The following UBXN6 variants were observed in gnomAD, a reference collection of about 807,000 sequenced individuals.
UBXN6 encodes UBX domain-containing protein 6.
UBXN6 carries 44 observed loss-of-function variants against 51.4 expected under a neutral mutation model. The ratio of observed to expected loss-of-function variants is 0.86; its 90% CI spans 0.67 to 1.10. The LOEUF (loss-of-function observed/expected upper bound fraction) is 1.10. Ranked by LOEUF, UBXN6 falls within the 50% of genes least tolerant of loss-of-function variation. The pLI is 0.00. For missense variants in UBXN6, 672 were observed against 596.1 expected (o/e 1.13, Z -1.32); for synonymous variants, 316 against 263.2 (o/e 1.20, Z -1.94).
rs139905537 is a variant in UBXN6 at position 4,456,381 on chromosome 19, G to A, written c.83+1234C>T. On this transcript the variant is annotated intron_variant, in intron 1 of 10. Transcript: ENST00000301281. ...ACCTCCATCACCACCCCACTGCCCC[G>A]TGATTCCTGACCCCCACTTCCTGCC... 8.3e-5 allele frequency among the ~76,000 whole-genome samples: 9 copies of A among 109,008 alleles called. No homozygotes were observed. The East Asian group carries it at 1.9e-3, about 23-fold the overall frequency. The allele number at this position is 109,008 out of a possible 152,430, so 71.5% of individuals were successfully genotyped here.
At chr19:4,446,219 G>C in intron 9 of UBXN6, 22 bp from the exon 10 acceptor site, 1 of 1,586,728 alleles carries the variant, frequency 6.3e-7, no homozygotes, top group South Asian at 1.1e-5. Context: ...GGGAGTCAGA[G>C]CGGGTGGGGC....
At chr19:4,451,379 G>T (rs1227291152) in intron 4 of UBXN6, among the ~76,000 whole-genome samples, 1 of 152,010 alleles carries the variant, frequency 6.6e-6, no homozygotes, top group Non-Finnish European at 1.5e-5. Context: ...TCTGAGAAAG[G>T]GTCTCACTTG....
intron 5 of UBXN6, 32 bp downstream of exon 5, chr19:4,448,286 G>A (rs766246007): frequency 1.3e-6 from 2 of 1,561,880 alleles, no homozygotes; most frequent in South Asian, 2.3e-5. Context: ...GAGCTGGAGG[G>A]GCCAGGCAGG....
chr19:4,445,027 T>G lies in UBXN6; in HGVS notation c.*471A>C, dbSNP rs539142110. On this transcript the variant is annotated 3_prime_UTR_variant, in exon 11 of 11. Transcript: ENST00000301281. ...AAACTATATTCAAACAACCTGTTTA[T>G]TTGGGCTTATGATTTACTAACTGCA... is the stretch of plus-strand genomic sequence containing the variant. The G allele has an allele frequency of 3.5e-4, 57 of 161,488 alleles. 1 individual carries two copies. The highest frequency in any genetic ancestry group is 6.4e-3 in the Middle Eastern group (2 of 312). The allele number at this position is 161,488 out of a possible 1,614,324, so 10.0% of individuals were successfully genotyped here. A position where few individuals can be genotyped will look rare whatever the true frequency, so the allele number is the denominator to read the frequency against.
rs768962882 is a variant in UBXN6, at chr19:4,445,985, T to A, written c.1200+64A>T. ...GGAGGCTCCCTCCTGGGGGTGTCTG[T>A]GCCGGTCCCAGGAGAACCTGCAGAG... On this transcript the variant is annotated intron_variant, in intron 10 of 10. Coordinates refer to ENST00000301281, the MANE Select transcript of UBXN6 (RefSeq NM_025241.3). 2.0e-6 allele frequency: 3 copies of A among 1,537,472 alleles called. No homozygotes were observed. In the South Asian group the frequency reaches 3.8e-5, roughly 19 times the overall value.
chr19:4,453,340 A>C, intron 3 of UBXN6, 118 bp downstream of exon 3: 1 of 1,174,024 alleles, frequency 8.5e-7, no homozygotes, highest in Non-Finnish European at 1.2e-6. Context: ...CCACCTTGCA[A>C]GGCAAGGTTT....
At chr19:4,446,785 C>G (rs772332941) in intron 7 of UBXN6, 51 bp downstream of exon 7, 1 of 1,613,456 alleles carries the variant, frequency 6.2e-7, no homozygotes, top group East Asian at 2.2e-5. Context: ...GCCCTCCTGC[C>G]CCGAGGCCCC....
chr19:4,447,794 C>T (rs1437580228), intron 5 of UBXN6, 169 bp from the exon 6 acceptor site: 5 of 659,532 alleles, frequency 7.6e-6, no homozygotes, highest in South Asian at 3.4e-5. Context: ...GGAAGGCACA[C>T]CTCGGACACC....
At chr19:4,455,728 C>T (rs1455031614) in intron 1 of UBXN6, among the ~76,000 whole-genome samples, 1 of 152,154 alleles carries the variant, frequency 6.6e-6, no homozygotes, top group East Asian at 1.9e-4. Context: ...ACCTTCTGCC[C>T]AGAATGTTCT....
At chr19:4,445,904 TG>T (rs1974500510) in intron 10 of UBXN6, 144 bp downstream of exon 10, 2 of 1,337,772 alleles carry the variant, frequency 1.5e-6, no homozygotes. Flanking sequence ...TGCCAGTAAG[TG>T]GGAAAGCAGG....
chr19:4,445,555 G>T lies in UBXN6; in HGVS notation c.1269C>A (p.Ala423=), dbSNP rs61729794. 10 of 1,613,700 alleles carry T rather than the reference G, an allele frequency of 6.2e-6. No individual in the cohort carries two copies. The African/African-American group carries it at 1.3e-4, about 22-fold the overall frequency. The change falls in exon 11 of 11, where the codon GCC becomes GCA. Residue 423 remains alanine, a synonymous_variant. Coordinates refer to ENST00000301281, the MANE Select transcript of UBXN6 (RefSeq NM_025241.3). ...CGGGTTTCAGGATGGAGTCCGGCTC[G>T]GCCCCCGCGGCCTTGATGTCCTCCA... ...AVLEDIKAAG[A]EPDSILKPEL...
intron 3 of UBXN6, among the ~76,000 whole-genome samples, chr19:4,453,064 G>A (rs1974681003): frequency 6.6e-6 from 1 of 152,210 alleles, no homozygotes; most frequent in Non-Finnish European, 1.5e-5. Context: ...CAGTGCTAGG[G>A]GACAGGCTCT....
Position 4,446,913 on chromosome 19 carries a change from A to G in UBXN6, c.623T>C (p.Ile208Thr), listed in dbSNP as rs571965440. The change falls in exon 7 of 11, where the codon ATT becomes ACT. Residue 208 changes from isoleucine (I) to threonine (T), a missense_variant. Physicochemically the swap from Ile to Thr is moderately conservative, Grantham distance 89. Transcript: ENST00000301281. ...KLQNKVFQERINCLEGTHEFF... is the reference protein window; with the variant it reads ...KLQNKVFQERTNCLEGTHEFF... ...CTCGTGGGTCCCTTCCAGGCAGTTAATGCGCTCCTGGGGGTGGAGATGGGC... is the reference window on the plus strand; with the variant it reads ...CTCGTGGGTCCCTTCCAGGCAGTTAGTGCGCTCCTGGGGGTGGAGATGGGC... 2.1e-5 allele frequency: 34 copies of G among 1,613,848 alleles called. No individual in the cohort carries two copies. Among genetic ancestry groups the G allele is most frequent in the Non-Finnish European group, 2.7e-5 (32 of 1,179,952 alleles).
In UBXN6 at chr19:4,446,674, T is replaced by C. The variant is rs1568188851; in HGVS notation, c.746A>G (p.Gln249Arg). The change falls in exon 8 of 11, where the codon CAG becomes CGG. Residue 249 changes from glutamine to arginine, a missense_variant. Coordinates refer to ENST00000301281, the MANE Select transcript of UBXN6 (RefSeq NM_025241.3). ...FYVLSETTLA[Q>R]PQSLERHKEQ... ...CTTGTGCCTCTCCAGGCTCTGGGGC[T>C]GGGCCAAGGTGGTCTCGCTCAGCAC... 1.2e-6 allele frequency: 2 copies of C among 1,611,730 alleles called. No homozygotes were observed. The highest frequency in any genetic ancestry group is 1.1e-5 in the South Asian group (1 of 90,948).
intron 6 of UBXN6, 55 bp from the exon 7 acceptor site, chr19:4,446,975 C>T: frequency 6.4e-7 from 1 of 1,553,858 alleles, no homozygotes; most frequent in East Asian, 2.3e-5. Flanking sequence ...ATGGCCTGGC[C>T]ACACCCCACC....
intron 1 of UBXN6, chr19:4,455,341 C>T: frequency 2.1e-6 from 2 of 974,288 alleles, no homozygotes; most frequent in Non-Finnish European, 2.4e-6. Flanking sequence ...CCTCCTCGTC[C>T]CACCCCTGCC....
intron 3 of UBXN6, among the ~76,000 whole-genome samples, chr19:4,452,719 G>GT (rs1398913269): frequency 7.2e-5 from 11 of 152,290 alleles, no homozygotes; most frequent in African/African-American, 2.6e-4. Flanking sequence ...ACTAAACGAG[G>GT]TAAGGAACGG....
In UBXN6 at chr19:4,446,095, T is replaced by C. The variant is rs1974507957; in HGVS notation, c.1154A>G (p.Gln385Arg). 4 of 1,612,668 alleles carry C rather than the reference T, an allele frequency of 2.5e-6. No homozygotes were observed. In the African/African-American group the frequency reaches 4.0e-5, roughly 16 times the overall value. ...CAGGTTCTCGTCCTCGGACAGCTTC[T>C]GCCCTCCCGAGGCCAGCAGCTCAAA... is the stretch of plus-strand genomic sequence containing the variant. Reference protein sequence around the residue: ...LPFELLASGGQKLSEDENLAL... With the variant: ...LPFELLASGGRKLSEDENLAL... The change falls in exon 10 of 11, where the codon CAG (glutamine) becomes CGG (arginine). Residue 385 changes from glutamine to arginine, a missense_variant. Transcript: ENST00000301281.
At chr19:4,447,658 G>T in intron 5 of UBXN6, 33 bp from the exon 6 acceptor site, 4 of 1,609,464 alleles carry the variant, frequency 2.5e-6, no homozygotes, top group Non-Finnish European at 3.4e-6. Flanking sequence ...GTGGGGCACA[G>T]CCCAGGCTGC....
Sources: gnomAD v4.1 joint callset for allele counts (sites outside exome capture counted in the v4.1 genomes callset) on GRCh38, gnomAD v4.1.1 for gene constraint, MANE v1.5 for transcripts, NCBI Gene and HGNC (gene_info 2026-07-23, HGNC 2026-07-21) for gene names.